The following PACRG variants were observed in gnomAD, a reference collection of about 807,000 sequenced individuals.
PACRG encodes the protein parkin coregulated gene protein.
In PACRG, 29 loss-of-function variants were observed where a neutral mutation model predicts 29.7. That is an observed-to-expected ratio of 0.98 (90% CI 0.73 to 1.33). The LOEUF (loss-of-function observed/expected upper bound fraction) is 1.33. Ranked by LOEUF, PACRG falls within the 40% of genes most tolerant of loss-of-function variation. PACRG has a pLI of 0.00. For synonymous variants in PACRG, 116 were observed against 118.7 expected (o/e 0.98, Z 0.15); for missense variants, 279 against 316.2 (o/e 0.88, Z 0.89).
At chr6:162,929,619 T>C (rs1383285319) in intron 2 of PACRG, among the ~76,000 whole-genome samples, 1 of 152,058 alleles carries the variant, frequency 6.6e-6, no homozygotes, top group Non-Finnish European at 1.5e-5. Context: ...TGATCGTCTT[T>C]GCTTCTGAGG....
intron 4 of PACRG, among the ~76,000 whole-genome samples, chr6:163,159,144 T>C (rs1231299275): frequency 6.6e-6 from 1 of 152,176 alleles, no homozygotes; most frequent in Non-Finnish European, 1.5e-5. Context: ...CACTGCATAC[T>C]GTTGTTGTAA....
chr6:162,787,582 GTATATATATATATATA>G (rs869254835), intron 1 of PACRG, among the ~76,000 whole-genome samples: 11 of 62,418 alleles, frequency 1.8e-4, no homozygotes, highest in African/African-American at 3.6e-4. Flanking sequence ...GTGTGTGTGT[GTATATATATATATATA>G]TATATATATA....
chr6:162,976,204 T>A (rs1170683209), intron 2 of PACRG, among the ~76,000 whole-genome samples: 1 of 152,058 alleles, frequency 6.6e-6, no homozygotes, highest in African/African-American at 2.4e-5. Flanking sequence ...AGGCACTGAG[T>A]AGCGTGTTTT....
chr6:162,789,450 C>T (rs1784765665), intron 1 of PACRG, among the ~76,000 whole-genome samples: 1 of 152,088 alleles, frequency 6.6e-6, no homozygotes, highest in South Asian at 2.1e-4. Context: ...AGGGAACTAA[C>T]AACTCATCTT....
intron 4 of PACRG, among the ~76,000 whole-genome samples, chr6:163,196,158 C>G (rs1048057558): frequency 2.6e-5 from 4 of 152,200 alleles, no homozygotes; most frequent in Non-Finnish European, 4.4e-5. Context: ...GAGAACGTTC[C>G]CTGATCATCT....
chr6:162,839,599 T>A (rs1301670127), intron 2 of PACRG, among the ~76,000 whole-genome samples: 2 of 152,190 alleles, frequency 1.3e-5, no homozygotes, highest in African/African-American at 4.8e-5. Context: ...TGAGTTGAAT[T>A]AGATCCCATT....
At chr6:162,861,738 G>A (rs1791877551) in intron 2 of PACRG, among the ~76,000 whole-genome samples, 2 of 152,192 alleles carry the variant, frequency 1.3e-5, no homozygotes, top group African/African-American at 2.4e-5. Context: ...GTACTTAACT[G>A]TTGGATAAAT....
intron 2 of PACRG, among the ~76,000 whole-genome samples, chr6:162,837,246 C>G (rs1043601689): frequency 3.3e-5 from 5 of 152,108 alleles, no homozygotes; most frequent in African/African-American, 1.2e-4. Context: ...CAGGCACTAA[C>G]TATTGTGAAT....
chr6:163,188,610 A>T (rs893747305), intron 4 of PACRG, among the ~76,000 whole-genome samples: 1 of 151,954 alleles, frequency 6.6e-6, no homozygotes, highest in Admixed American at 6.6e-5. Context: ...AAAGGTGAAG[A>T]CTCTTTGATT....
chr6:162,880,887 A>C (rs1793779687), intron 2 of PACRG, among the ~76,000 whole-genome samples: 1 of 152,206 alleles, frequency 6.6e-6, no homozygotes, highest in Non-Finnish European at 1.5e-5. Context: ...GTAGCAAAGC[A>C]TGCGCCAGGG....
rs1210710677 is a variant in PACRG at position 163,099,659 on chromosome 6, CTT to C, written c.613+10253_613+10254del. 2.0e-5 allele frequency among the ~76,000 whole-genome samples: 3 copies of C among 152,288 alleles called. No individual in the cohort carries two copies. The East Asian group carries it at 5.8e-4, about 30-fold the overall frequency. The stretch of plus-strand genomic sequence containing the variant: ...CCAACTAATGACTTTTTAAAGGTCT[CTT>C]TGTGGACATTGCAGAGAAAGTAAGA... On this transcript the variant is annotated intron_variant, in intron 4 of 4. Transcript: ENST00000366888.
At chr6:163,175,905 A>C (rs1779332216) in intron 4 of PACRG, among the ~76,000 whole-genome samples, 1 of 152,186 alleles carries the variant, frequency 6.6e-6, no homozygotes, top group Admixed American at 6.5e-5. Flanking sequence ...TTGTATTTCC[A>C]ATCTCAGATA....
At chr6:163,180,967 G>A (rs1779626855) in intron 4 of PACRG, among the ~76,000 whole-genome samples, 1 of 152,198 alleles carries the variant, frequency 6.6e-6, no homozygotes, top group Non-Finnish European at 1.5e-5. Flanking sequence ...TTGACCCAGA[G>A]TCACTCAGAT....
In PACRG at chr6:162,747,348, A is replaced by G. The variant is rs1288171213; in HGVS notation, c.156+18957A>G. On this transcript the variant is annotated intron_variant, in intron 1 of 4. Transcript: ENST00000366888. ...CTCATATATATATATATATATATAT[A>G]TATATATATATATATACACATACAT... is the stretch of plus-strand genomic sequence containing the variant. 1.1e-4 allele frequency among the ~76,000 whole-genome samples: 8 copies of G among 76,036 alleles called. 2 individuals carry two copies. The highest frequency in any genetic ancestry group is 3.3e-4 in the African/African-American group (5 of 15,266). 49.9% of individuals were successfully genotyped at this position (76,036 alleles called of 152,430 possible).
intron 2 of PACRG, among the ~76,000 whole-genome samples, chr6:162,969,004 A>ATG (rs1801293651): frequency 6.9e-6 from 1 of 144,900 alleles, no homozygotes; most frequent in Non-Finnish European, 1.5e-5. Flanking sequence ...CCGAGATCGC[A>ATG]CCACTGCCCT....
chr6:162,973,895 A>C (rs1801738440), intron 2 of PACRG, among the ~76,000 whole-genome samples: 1 of 152,228 alleles, frequency 6.6e-6, no homozygotes, highest in Admixed American at 6.5e-5. Context: ...TCTTACTGTC[A>C]GGAGAGAATA....
chr6:163,290,274 GCGCGCACACACACACACACA>G (rs1323911049), intron 4 of PACRG, among the ~76,000 whole-genome samples: 1 of 86,964 alleles, frequency 1.1e-5, no homozygotes, highest in Non-Finnish European at 2.4e-5. Context: ...GCACGCGCGC[GCGCGCACACACACACACACA>G]CACACACACA....
At chr6:162,997,035 T>C (rs1160615792) in intron 2 of PACRG, among the ~76,000 whole-genome samples, 1 of 152,182 alleles carries the variant, frequency 6.6e-6, no homozygotes, top group Non-Finnish European at 1.5e-5. Flanking sequence ...TTCAGTCATT[T>C]GTTTACCAAA....
chr6:162,839,658 A>G (rs1789574709), intron 2 of PACRG, among the ~76,000 whole-genome samples: 1 of 151,890 alleles, frequency 6.6e-6, no homozygotes, highest in Admixed American at 6.6e-5. Context: ...TTAGACATGA[A>G]GTCCTTGCCC....
Sources: allele counts gnomAD v4.1 joint callset (sites outside exome capture counted in the v4.1 genomes callset), GRCh38; gene constraint gnomAD v4.1.1; transcripts MANE v1.5; gene names NCBI Gene and HGNC (gene_info 2026-07-23, HGNC 2026-07-21).